Variants in CCDC82 observed in about 807,000 individuals in gnomAD.
CCDC82 encodes coiled-coil domain-containing protein 82.
Under a neutral mutation model 60.6 loss-of-function variants are expected in CCDC82, and 47 were observed. That is an observed-to-expected ratio of 0.77 (90% CI 0.61 to 0.99). The LOEUF is 0.99. Ranked by LOEUF, CCDC82 falls within the 50% of genes least tolerant of loss-of-function variation. The probability of loss-of-function intolerance (pLI) is 0.00; values close to 1 mark genes in which losing one functional copy is unlikely to be tolerated. For synonymous variants in CCDC82, 212 were observed against 207.4 expected (o/e 1.02, Z -0.19); for missense variants, 588 against 633.0 (o/e 0.93, Z 0.76).
At chr11:96,353,735 C>A (rs956217692) in intron 9 of CCDC82, 21 bp from the exon 10 acceptor site, 14 of 1,577,736 alleles carry the variant, frequency 8.9e-6, no homozygotes, top group Non-Finnish European at 1.2e-5. Flanking sequence ...AATAGAAAAG[C>A]TAGTTATTTT....
chr11:96,384,134 A>C lies in CCDC82; in HGVS notation c.614T>G (p.Val205Gly). ...CACTCTACGGGGACGTTTAACACCT[A>C]CTTTTCTAACTAGGATATCGCTGTC... is the stretch of plus-strand genomic sequence containing the variant. ...SDDSDILVRK[V>G]GVKRPRRVVE... Residue 205 changes from valine to glycine, a missense_variant, in exon 4 of 10, where the codon GTA becomes GGA. Transcript: ENST00000646818. The C allele has an allele frequency of 6.2e-7, 1 of 1,613,792 alleles. No individual in the cohort carries two copies. Among genetic ancestry groups the C allele is most frequent in the Non-Finnish European group, 8.5e-7 (1 of 1,179,808 alleles).
At chr11:96,383,895 T>A in intron 4 of CCDC82, 67 bp downstream of exon 4, 1 of 1,423,954 alleles carries the variant, frequency 7.0e-7, no homozygotes, top group Non-Finnish European at 9.5e-7. Flanking sequence ...AGCACTTTTT[T>A]ATAAAAATTA....
chr11:96,373,530 G>C, intron 5 of CCDC82, 63 bp from the exon 6 acceptor site: 1 of 951,198 alleles, frequency 1.1e-6, no homozygotes, highest in Non-Finnish European at 1.6e-6. Context: ...GAATACAATA[G>C]GTTCCATTCT....
At chr11:96,389,660 G>C (rs943075740) in intron 1 of CCDC82, 184 bp downstream of exon 1, 1 of 152,446 alleles carries the variant, frequency 6.6e-6, no homozygotes, top group Non-Finnish European at 1.5e-5. Context: ...GCTCAGCTGA[G>C]GAGGGTTAGA....
At chr11:96,363,349 T>C (rs1399236962) in intron 8 of CCDC82, 3 of 152,340 alleles carry the variant, frequency 2.0e-5, no homozygotes, top group East Asian at 3.9e-4. Flanking sequence ...TGTATTGAAG[T>C]AGGATGTAAG....
At chr11:96,383,548 T>C (rs1220982469) in intron 4 of CCDC82, 75 bp from the exon 5 acceptor site, 6 of 925,018 alleles carry the variant, frequency 6.5e-6, no homozygotes, top group African/African-American at 3.4e-5. Flanking sequence ...ATTAAAACAT[T>C]AAATCTGACA....
Position 96,353,719 on chromosome 11 carries a change from A to T in CCDC82, c.1567-5T>A. The T allele has an allele frequency of 1.2e-6, 2 of 1,603,266 alleles. No individual in the cohort carries two copies. Among genetic ancestry groups the T allele is most frequent in the South Asian group, 2.2e-5 (2 of 90,616 alleles). ...TTCTTCAAGTTGACCATATTTCTGC[A>T]TATACAATAGAAAAGCTAGTTATTT... On this transcript the variant is annotated splice_polypyrimidine_tract_variant and splice_region_variant and intron_variant, in intron 9 of 9. Coordinates refer to ENST00000646818, the MANE Select transcript of CCDC82 (RefSeq NM_024725.4).
Position 96,353,649 on chromosome 11 carries a change from C to T in CCDC82, c.1632G>A (p.Leu544=). 6.2e-7 allele frequency: 1 copy of T among 1,605,692 alleles called. No homozygotes were observed. The highest frequency in any genetic ancestry group is 8.5e-7 in the Non-Finnish European group (1 of 1,174,050). Residue 544 remains leucine, a synonymous_variant, in exon 10 of 10, where the codon TTG becomes TTA. Coordinates refer to ENST00000646818, the MANE Select transcript of CCDC82 (RefSeq NM_024725.4). ...ADYFQEEKFE[L] is the part of the protein sequence containing the mutation. ...AATCTTCTCTGATGGAAATGTGTTACAACTCAAACTTCTCTTCTTGAAAGT... is the reference window on the plus strand; with the variant it reads ...AATCTTCTCTGATGGAAATGTGTTATAACTCAAACTTCTCTTCTTGAAAGT...
At chr11:96,361,751 T>A (rs1388283890) in intron 8 of CCDC82, among the ~76,000 whole-genome samples, 1 of 152,238 alleles carries the variant, frequency 6.6e-6, no homozygotes, top group African/African-American at 2.4e-5. Context: ...ACAGGTAACA[T>A]TAATCTCTGG....
In CCDC82 at chr11:96,384,157, G is replaced by C; in HGVS notation, c.591C>G (p.Asp197Glu). ...CTACTTTTCTAACTAGGATATCGCT[G>C]TCATCACTCTCATCACTGTCACACA... The part of the protein sequence containing the change: ...SVMCDSDESD[D>E]SDILVRKVGV... Residue 197 changes from aspartate to glutamate, a missense_variant, in exon 4 of 10, where the codon GAC becomes GAG. Physicochemically the swap from Asp to Glu is conservative, Grantham distance 45 (BLOSUM62 2). Transcript: ENST00000646818. The C allele has an allele frequency of 6.2e-7, 1 of 1,613,840 alleles. No homozygotes were observed. Among genetic ancestry groups the C allele is most frequent in the Non-Finnish European group, 8.5e-7 (1 of 1,179,816 alleles).
intron 1 of CCDC82, chr11:96,389,462 T>G (rs987936110): frequency 1.3e-5 from 2 of 152,052 alleles, no homozygotes; most frequent in African/African-American, 4.8e-5. Context: ...AACCGGACCC[T>G]CAGGCCAAGC....
At chr11:96,377,752 G>C (rs536986542) in intron 5 of CCDC82, among the ~76,000 whole-genome samples, 95 of 151,974 alleles carry the variant, frequency 6.3e-4, no homozygotes, top group African/African-American at 2.1e-3. Context: ...AGAATGATTA[G>C]GGATCTTTTT....
chr11:96,374,419 C>T (rs1234730637), intron 5 of CCDC82, among the ~76,000 whole-genome samples: 2 of 152,146 alleles, frequency 1.3e-5, no homozygotes, highest in Admixed American at 6.5e-5. Flanking sequence ...GTATAACTCT[C>T]TTTCAGACTT....
chr11:96,356,147 C>A (rs1442655041), intron 9 of CCDC82: 1 of 152,036 alleles, frequency 6.6e-6, no homozygotes, highest in African/African-American at 2.4e-5. Flanking sequence ...TTCAATAAAT[C>A]TGGGATGAGG....
At chr11:96,364,781 G>A in intron 8 of CCDC82, 199 bp downstream of exon 8, 1 of 495,742 alleles carries the variant, frequency 2.0e-6, no homozygotes, top group Non-Finnish European at 3.6e-6. Context: ...ACAGAGTCTA[G>A]TTGAAGCACA....
chr11:96,370,950 T>C, intron 7 of CCDC82, 63 bp downstream of exon 7: 1 of 1,376,164 alleles, frequency 7.3e-7, no homozygotes, highest in Non-Finnish European at 9.6e-7. Context: ...GTCTGGATTT[T>C]AAAATCCTGA....
At chr11:96,354,484 T>A (rs1864245780) in intron 9 of CCDC82, 1 of 152,114 alleles carries the variant, frequency 6.6e-6, no homozygotes, top group Non-Finnish European at 1.5e-5. Flanking sequence ...TTGCTAAAGG[T>A]TTTGGAGCAG....
chr11:96,358,912 C>A (rs1864482659), intron 9 of CCDC82, 81 bp downstream of exon 9: 4 of 1,237,604 alleles, frequency 3.2e-6, no homozygotes, highest in East Asian at 2.6e-5. Flanking sequence ...ATTTCACTAT[C>A]TTTTAATCAT....
intron 7 of CCDC82, 115 bp from the exon 8 acceptor site, chr11:96,365,265 A>C: frequency 1.7e-6 from 1 of 602,208 alleles, no homozygotes. Context: ...TAAGAGCAAA[A>C]CACCCTGGCA....
Sources: allele counts gnomAD v4.1 joint callset (sites outside exome capture counted in the v4.1 genomes callset), GRCh38; gene constraint gnomAD v4.1.1; transcripts MANE v1.5; gene names NCBI Gene and HGNC (gene_info 2026-07-23, HGNC 2026-07-21).